The following SUPT20H variants were observed in gnomAD, a reference collection of about 807,000 sequenced individuals.
SUPT20H encodes the protein SPT20 homolog, SAGA complex component.
SUPT20H carries 82 observed loss-of-function variants against 122.8 expected under a neutral mutation model. The observed-to-expected ratio is 0.67, with a 90% CI of 0.56 to 0.80. The LOEUF (loss-of-function observed/expected upper bound fraction) is 0.80. SUPT20H is among the 30% of genes least tolerant of loss of function. The pLI, the probability that SUPT20H is intolerant of heterozygous loss-of-function variation, is 0.00. For missense variants in SUPT20H, 831 were observed against 921.6 expected (o/e 0.90, Z 1.27); for synonymous variants, 291 against 313.0 (o/e 0.93, Z 0.74).
intron 22 of SUPT20H, among the ~76,000 whole-genome samples, chr13:37,018,475 T>C (rs1441979821): frequency 1.3e-5 from 2 of 152,234 alleles, no homozygotes; most frequent in Admixed American, 6.5e-5. Context: ...CCCGATTTGT[T>C]AATCCTGAAT....
At chr13:37,041,217 C>G (rs2138648989) in intron 7 of SUPT20H, among the ~76,000 whole-genome samples, 1 of 152,214 alleles carries the variant, frequency 6.6e-6, no homozygotes, top group East Asian at 1.9e-4. Context: ...ATATAAAATT[C>G]AAATGAAAAA....
intron 1 of SUPT20H, among the ~76,000 whole-genome samples, chr13:37,055,912 A>G (rs1482522056): frequency 6.6e-6 from 1 of 152,236 alleles, no homozygotes; most frequent in Non-Finnish European, 1.5e-5. Context: ...AACTCAAACA[A>G]ACTTCCAAGG....
At position 37,029,824 on chromosome 13, in the gene SUPT20H, C is replaced by T. The variant is rs1470092167; in HGVS notation, c.934G>A (p.Ala312Thr). 2 of 1,596,810 alleles carry T rather than the reference C, an allele frequency of 1.3e-6. No individual in the cohort carries two copies. Among genetic ancestry groups the T allele is most frequent in the South Asian group, 2.3e-5 (2 of 87,930 alleles). Residue 312 changes from alanine (A) to threonine (T), a missense_variant, in exon 13 of 26, where the codon GCT (alanine) becomes ACT (threonine). Physicochemically the swap from Ala to Thr is moderately conservative, Grantham distance 58. Transcript: ENST00000350612. ...IPSEVDVEKY[A>T]KVEKSIKSDD... ...GATTTGATAGACTTTTCCACTTTAG[C>T]ATATTTCTCCACCTAAACAATCAAA...
chr13:37,035,509 A>G (rs1393466547), intron 9 of SUPT20H, among the ~76,000 whole-genome samples: 1 of 151,852 alleles, frequency 6.6e-6, no homozygotes, highest in African/African-American at 2.4e-5. Context: ...CTTCTTATGG[A>G]TGACCATATA....
chr13:37,041,470 A>G (rs1216330838), intron 7 of SUPT20H, among the ~76,000 whole-genome samples: 3 of 151,434 alleles, frequency 2.0e-5, no homozygotes, highest in African/African-American at 7.3e-5. Flanking sequence ...GTGAGCCGAG[A>G]TTGGGCCACT....
rs770713073 is a variant in SUPT20H, at chr13:37,026,216, G to A, written c.1199C>T (p.Thr400Ile). ...CAAATATTTTTACCTCTCAGCATCG[G>A]TCTTTGATCCAATAATGAACCTAAA... ...HSNWFIIGSK[T>I]DAERVVNQYQ... is the part of the protein sequence containing the mutation. The change falls in exon 16 of 26, where the codon ACC (threonine) becomes ATC (isoleucine). Residue 400 changes from threonine (T) to isoleucine (I), a missense_variant. By Grantham distance (89) the Thr-to-Ile change is moderately conservative. Transcript: ENST00000350612. 1.3e-6 allele frequency: 2 copies of A among 1,539,628 alleles called. No homozygotes were observed. Among genetic ancestry groups the A allele is most frequent in the Non-Finnish European group, 1.7e-6 (2 of 1,153,480 alleles).
At chr13:37,032,116 C>T (rs1289455479) in intron 10 of SUPT20H, among the ~76,000 whole-genome samples, 2 of 151,982 alleles carry the variant, frequency 1.3e-5, no homozygotes, top group African/African-American at 4.8e-5. Flanking sequence ...GGGGAGGAGA[C>T]ATTCACAAGT....
Position 37,022,848 on chromosome 13 carries a change from A to C in SUPT20H, c.1592-768T>G. ...AACAAATTTACAAAAAACAGTAATA[A>C]AGCAAATATCTGAGAGATAATACTG... is the stretch of plus-strand genomic sequence containing the variant. On this transcript the variant is annotated intron_variant, in intron 19 of 25. Transcript: ENST00000350612. This position sits in a 1 kb window ranked among gnomAD's most constrained non-coding sequence, Gnocchi z 4.5. 2.8e-6 allele frequency: 3 copies of C among 1,071,302 alleles called. No individual in the cohort carries two copies. Among genetic ancestry groups the C allele is most frequent in the Non-Finnish European group, 3.4e-6 (3 of 873,172 alleles). The allele number at this position is 1,071,302 out of a possible 1,614,324, so 66.4% of individuals were successfully genotyped here. A position where few individuals can be genotyped will look rare whatever the true frequency, so the allele number is the denominator to read the frequency against.
chr13:37,049,509 G>A (rs1173225222), intron 2 of SUPT20H, among the ~76,000 whole-genome samples: 1 of 152,152 alleles, frequency 6.6e-6, no homozygotes. Flanking sequence ...AGAGGCTGAG[G>A]CGGGAGGATC....
At chr13:37,033,627 G>A (rs756540929) in intron 9 of SUPT20H, 39 bp from the exon 10 acceptor site, 9 of 1,594,996 alleles carry the variant, frequency 5.6e-6, no homozygotes, top group Non-Finnish European at 7.7e-6. Flanking sequence ...CCAGATTTAA[G>A]ATTTTCAAAT....
At chr13:37,023,688 TA>T (rs2139586767) in intron 19 of SUPT20H, 1 of 165,636 alleles carries the variant, frequency 6.0e-6, no homozygotes, top group African/African-American at 2.4e-5. Flanking sequence ...ACAATTTACA[TA>T]AATATGCAAA....
chr13:37,031,499 G>A, intron 12 of SUPT20H, 68 bp downstream of exon 12: 2 of 1,059,924 alleles, frequency 1.9e-6, no homozygotes, highest in Non-Finnish European at 2.6e-6. Flanking sequence ...TTTTCTCAAG[G>A]TATAAGCAAC....
intron 12 of SUPT20H, 47 bp from the exon 13 acceptor site, chr13:37,029,883 A>G: frequency 7.0e-7 from 1 of 1,425,760 alleles, no homozygotes; most frequent in Non-Finnish European, 9.6e-7. Context: ...AATCCATATC[A>G]GATAAAATGG....
intron 7 of SUPT20H, among the ~76,000 whole-genome samples, chr13:37,041,988 G>C (rs543883552): frequency 2.0e-4 from 31 of 152,306 alleles, no homozygotes; most frequent in African/African-American, 7.2e-4. Flanking sequence ...ATTCCAGACA[G>C]AGGGAATAAC....
At chr13:37,025,100 C>T (rs1053543349) in intron 17 of SUPT20H, 7 of 422,032 alleles carry the variant, frequency 1.7e-5, no homozygotes, top group South Asian at 1.0e-4. Flanking sequence ...TGCCACCATG[C>T]CCAGCTAATT....
chr13:37,054,349 C>T (rs1255238226), intron 1 of SUPT20H, among the ~76,000 whole-genome samples: 1 of 152,192 alleles, frequency 6.6e-6, no homozygotes, highest in Admixed American at 6.5e-5. Context: ...CCCTGATGAA[C>T]ATCGATGCAA....
At position 37,022,251 on chromosome 13, in the gene SUPT20H, G is replaced by T. The variant is rs958839938; in HGVS notation, c.1592-171C>A. On this transcript the variant is annotated intron_variant, in intron 19 of 25. Coordinates refer to ENST00000350612, the MANE Select transcript of SUPT20H (RefSeq NM_001014286.3). The surrounding 1 kb of genome is among the most constrained non-coding windows in gnomAD (Gnocchi z 4.5). ...AGGGGTACTAGGAGTTGAGCTCTGA[G>T]CATCAGGAGGGTGTGGGGTCGATGA... The T allele has an allele frequency of 1.9e-6, 3 of 1,541,104 alleles. No individual in the cohort carries two copies. In the African/African-American group the frequency reaches 4.1e-5, roughly 21 times the overall value.
At chr13:37,010,941 T>C in intron 24 of SUPT20H, 1 of 241,290 alleles carries the variant, frequency 4.1e-6, no homozygotes, top group Non-Finnish European at 8.2e-6. Flanking sequence ...ATATTGATGC[T>C]ATTTTGTTTA....
In SUPT20H at chr13:37,009,337, G is replaced by T. The variant is rs966678435; in HGVS notation, c.*335C>A. On this transcript the variant is annotated 3_prime_UTR_variant, in exon 26 of 26. Coordinates refer to ENST00000350612, the MANE Select transcript of SUPT20H (RefSeq NM_001014286.3). ...TTTTCAAAACAGATTTGTAAAAATT[G>T]TATTTGTTAACACTGTGCACAAACG... 1 of 1,225,514 alleles carries T rather than the reference G, an allele frequency of 8.2e-7. No individual in the cohort carries two copies. Among genetic ancestry groups the T allele is most frequent in the African/African-American group, 1.5e-5 (1 of 67,068 alleles). 75.9% of individuals were successfully genotyped at this position (1,225,514 alleles called of 1,614,324 possible). A position where few individuals can be genotyped will look rare whatever the true frequency, so the allele number is the denominator to read the frequency against.
Sources: allele counts gnomAD v4.1 joint callset (sites outside exome capture counted in the v4.1 genomes callset), GRCh38; gene constraint gnomAD v4.1.1; non-coding constraint Gnocchi (gnomAD v3.1); transcripts MANE v1.5; gene names NCBI Gene and HGNC (gene_info 2026-07-23, HGNC 2026-07-21).